Variants in SLC7A14 observed in about 807,000 individuals in gnomAD.
SLC7A14 encodes solute carrier family 7 member 14.
Under a neutral mutation model 60.2 loss-of-function variants are expected in SLC7A14, and 37 were observed. The ratio of observed to expected loss-of-function variants is 0.61; its 90% CI spans 0.47 to 0.81. The LOEUF (loss-of-function observed/expected upper bound fraction) is 0.81, where lower values mean the gene tolerates loss of function less well. Ranked by LOEUF, SLC7A14 falls within the 30% of genes least tolerant of loss-of-function variation. The pLI is 0.00. For missense variants in SLC7A14, 886 were observed against 982.7 expected (o/e 0.90, Z 1.32); for synonymous variants, 399 against 395.8 (o/e 1.01, Z -0.10).
chr3:170,526,234 T>A (rs1713492607), intron 2 of SLC7A14, among the ~76,000 whole-genome samples: 1 of 151,672 alleles, frequency 6.6e-6, no homozygotes, highest in Non-Finnish European at 1.5e-5. Context: ...AAACCCCGTC[T>A]CTACTAAAAA....
chr3:170,550,524 T>TTTTTTTTTTTTTTG (rs1404410893), intron 1 of SLC7A14, among the ~76,000 whole-genome samples: 1 of 118,348 alleles, frequency 8.4e-6, no homozygotes, highest in African/African-American at 3.4e-5. Context: ...TTTTTTTTTT[T>TTTTTTTTTTTTTTG]TTTTTTTTTT....
intron 1 of SLC7A14, among the ~76,000 whole-genome samples, chr3:170,581,675 A>G (rs115438988): frequency 0.012 from 1,825 of 152,294 alleles, 25 homozygotes; most frequent in Non-Finnish European, 0.016. Context: ...ACATTGTACC[A>G]TATCTATATA....
At chr3:170,530,732 G>A (rs1005302207) in intron 1 of SLC7A14, among the ~76,000 whole-genome samples, 4 of 152,322 alleles carry the variant, frequency 2.6e-5, no homozygotes, top group African/African-American at 4.8e-5. Context: ...CTGCTGCAGC[G>A]GGGAGGCCGA....
chr3:170,501,280 A>T lies in SLC7A14; in HGVS notation c.370T>A (p.Tyr124Asn). 1 of 1,614,190 alleles carries T rather than the reference A, an allele frequency of 6.2e-7. No homozygotes were observed. Among genetic ancestry groups the T allele is most frequent in the Non-Finnish European group, 8.5e-7 (1 of 1,180,036 alleles). The change falls in exon 3 of 8, where the codon TAT (tyrosine) becomes AAT (asparagine). Residue 124 changes from tyrosine to asparagine, a missense_variant. Coordinates refer to ENST00000231706, the MANE Select transcript of SLC7A14 (RefSeq NM_020949.3). ...GCCACAAATTCCCCAACAGTGACAT[A>T]GCTGTAGGTGTAGGCAGATCCTGTG... ...KTTGSAYTYS[Y>N]VTVGEFVAFF...
At chr3:170,471,090 GGTGTGTGTGTGT>G (rs113891859) in intron 7 of SLC7A14, among the ~76,000 whole-genome samples, 33 of 146,356 alleles carry the variant, frequency 2.3e-4, no homozygotes, top group Middle Eastern at 3.2e-3. Context: ...TCTGGGAAGG[GGTGTGTGTGTGT>G]GTGTGTGTGT....
chr3:170,557,867 A>G (rs147233287), intron 1 of SLC7A14, among the ~76,000 whole-genome samples: 79 of 152,334 alleles, frequency 5.2e-4, no homozygotes, highest in African/African-American at 1.9e-3. Flanking sequence ...TCTGTTTCCC[A>G]CTGAATAGTT....
At chr3:170,575,553 A>G (rs1000453952) in intron 1 of SLC7A14, among the ~76,000 whole-genome samples, 1 of 152,204 alleles carries the variant, frequency 6.6e-6, no homozygotes, top group African/African-American at 2.4e-5. Context: ...AACAATGGAA[A>G]ACTTGAGCTT....
chr3:170,584,729 T>C lies in SLC7A14; in HGVS notation c.-153+1182A>G, dbSNP rs141310974. On this transcript the variant is annotated intron_variant, in intron 1 of 7. Coordinates refer to ENST00000231706, the MANE Select transcript of SLC7A14 (RefSeq NM_020949.3). The stretch of plus-strand genomic sequence containing the variant: ...CTTTCAGCACCGCGGACAGCGCCAT[T>C]CCCTGCACTCAGTCGGAGGAGGAGA... Among the ~76,000 whole-genome samples the C allele has an allele frequency of 5.5e-3, 843 of 152,198 alleles. 7 individuals carry two copies. Among genetic ancestry groups the C allele is most frequent in the African/African-American group, 0.019 (807 of 41,530 alleles).
intron 1 of SLC7A14, among the ~76,000 whole-genome samples, chr3:170,566,108 A>G (rs1354629178): frequency 1.3e-5 from 2 of 152,148 alleles, no homozygotes; most frequent in African/African-American, 4.8e-5. Context: ...AAGCAAAGGG[A>G]CCTGTGTGAG....
rs928079283 is a variant in SLC7A14, at chr3:170,461,101, A to T, written c.*5954T>A. 3 of 152,022 alleles carry T rather than the reference A, an allele frequency of 2.0e-5. No individual in the cohort carries two copies. The highest frequency in any genetic ancestry group is 4.4e-5 in the Non-Finnish European group (3 of 68,050). 9.4% of individuals were successfully genotyped at this position (152,022 alleles called of 1,614,324 possible). On this transcript the variant is annotated 3_prime_UTR_variant, in exon 8 of 8. Transcript: ENST00000231706. ...GGCTAATTTTGTATTTTTAGTAGAG[A>T]TGGGGTTTCTCCATGTTGGTCAGGC... is the stretch of plus-strand genomic sequence containing the variant.
intron 2 of SLC7A14, among the ~76,000 whole-genome samples, chr3:170,521,711 A>G (rs1713343261): frequency 6.6e-6 from 1 of 152,248 alleles, no homozygotes; most frequent in Non-Finnish European, 1.5e-5. Context: ...TCACGAGGTC[A>G]GGAGTTCGAG....
intron 1 of SLC7A14, among the ~76,000 whole-genome samples, chr3:170,549,567 T>A (rs1228492537): frequency 6.6e-6 from 1 of 152,102 alleles, no homozygotes; most frequent in Non-Finnish European, 1.5e-5. Context: ...CCTCTATAGC[T>A]CTTATATAAG....
intron 1 of SLC7A14, among the ~76,000 whole-genome samples, chr3:170,568,407 C>A (rs1282676971): frequency 6.6e-6 from 1 of 152,316 alleles, no homozygotes; most frequent in East Asian, 1.9e-4. Flanking sequence ...GTTTTGGTTA[C>A]TGTAGCCTTG....
chr3:170,481,174 G>C lies in SLC7A14; in HGVS notation c.1116-8C>G. 4 of 1,610,472 alleles carry C rather than the reference G, an allele frequency of 2.5e-6. No individual in the cohort carries two copies. The African/African-American group carries it at 5.3e-5, about 22-fold the overall frequency. On this transcript the variant is annotated splice_region_variant and splice_polypyrimidine_tract_variant and intron_variant, in intron 6 of 7. Transcript: ENST00000231706. ...CTGACGTGAGCCAGGAACCTGGAGG[G>C]GCCGGGCAAGCAGAGGGTTAATGGT...
chr3:170,501,481 C>T (rs1165621894), intron 2 of SLC7A14, 136 bp from the exon 3 acceptor site: 11 of 706,062 alleles, frequency 1.6e-5, no homozygotes, highest in South Asian at 5.6e-5. Context: ...GTATATGAAT[C>T]GATTCAGAGC....
At chr3:170,528,928 G>A (rs1012959867) in intron 1 of SLC7A14, among the ~76,000 whole-genome samples, 5 of 152,192 alleles carry the variant, frequency 3.3e-5, no homozygotes, top group African/African-American at 1.2e-4. Flanking sequence ...CAGCATATAA[G>A]GAACACCTGT....
intron 1 of SLC7A14, among the ~76,000 whole-genome samples, chr3:170,568,996 C>A (rs1204098638): frequency 6.6e-6 from 1 of 152,142 alleles, no homozygotes; most frequent in Non-Finnish European, 1.5e-5. Context: ...ATTGAATACC[C>A]TTTATTTCCT....
rs915709523 is a variant in SLC7A14 at position 170,585,114 on chromosome 3, A to C, written c.-153+797T>G. Among the ~76,000 whole-genome samples, 2 of 152,218 alleles carry C rather than the reference A, an allele frequency of 1.3e-5. No homozygotes were observed. The highest frequency in any genetic ancestry group is 2.9e-5 in the Non-Finnish European group (2 of 68,032). On this transcript the variant is annotated intron_variant, in intron 1 of 7. Transcript: ENST00000231706. The surrounding 1 kb of genome is among the most constrained non-coding windows in gnomAD (Gnocchi z 5.1). ...GGGGCTGCATCCCGCGTGGCCACGC[A>C]GCCCTAACCTGGCCCTCTTGGATTA... is the stretch of plus-strand genomic sequence containing the variant.
At chr3:170,503,725 GCAAT>G (rs1712683587) in intron 2 of SLC7A14, among the ~76,000 whole-genome samples, 1 of 152,168 alleles carries the variant, frequency 6.6e-6, no homozygotes, top group Non-Finnish European at 1.5e-5. Flanking sequence ...TGGAATTTGT[GCAAT>G]CAAACATTCT....
Sources: allele counts gnomAD v4.1 joint callset (sites outside exome capture counted in the v4.1 genomes callset), GRCh38; gene constraint gnomAD v4.1.1; non-coding constraint Gnocchi (gnomAD v3.1); transcripts MANE v1.5; gene names NCBI Gene and HGNC (gene_info 2026-07-23, HGNC 2026-07-21).